Variants in CCDC141 observed in about 807,000 individuals in gnomAD.
CCDC141 encodes the protein coiled-coil domain-containing protein 141.
A neutral mutation model predicts 181.0 loss-of-function variants in CCDC141; 168 were observed. That is an observed-to-expected ratio of 0.93 (90% CI 0.82 to 1.05). The LOEUF (loss-of-function observed/expected upper bound fraction) is 1.05. Ranked by LOEUF, CCDC141 falls within the 50% of genes least tolerant of loss-of-function variation. CCDC141 has a pLI of 0.00. For missense variants in CCDC141, 1,902 were observed against 1,788.5 expected, an observed-to-expected ratio of 1.06 and a Z score of -1.14; for synonymous variants, 666 against 642.3, an observed-to-expected ratio of 1.04 and a Z score of -0.56.
At chr2:178,877,886 G>T in intron 12 of CCDC141, 78 bp downstream of exon 12, 1 of 1,379,124 alleles carries the variant, frequency 7.3e-7, no homozygotes, top group Non-Finnish European at 1.0e-6. Flanking sequence ...TTAATAGACA[G>T]CTGAACCTTT....
At chr2:179,040,662 G>A (rs1358190952) in intron 2 of CCDC141, among the ~76,000 whole-genome samples, 1 of 152,160 alleles carries the variant, frequency 6.6e-6, no homozygotes, top group Non-Finnish European at 1.5e-5. Context: ...GAGTTAGTTT[G>A]CTAAGGACAA....
chr2:179,026,692 C>A (rs1042125012), intron 2 of CCDC141, among the ~76,000 whole-genome samples: 1 of 152,202 alleles, frequency 6.6e-6, no homozygotes, highest in Non-Finnish European at 1.5e-5. Flanking sequence ...ACAGCTTGCA[C>A]TGCGCACCTG....
intron 2 of CCDC141, among the ~76,000 whole-genome samples, chr2:179,036,060 A>G (rs1271360159): frequency 1.3e-5 from 2 of 152,346 alleles, no homozygotes; most frequent in African/African-American, 2.4e-5. Context: ...GTGTTCCAGC[A>G]ACAAAGGAGT....
chr2:179,015,264 C>CATATATATATCAT (rs57926916), intron 2 of CCDC141, among the ~76,000 whole-genome samples: 1 of 130,056 alleles, frequency 7.7e-6, no homozygotes, highest in Non-Finnish European at 1.6e-5. Context: ...TCATATATAT[C>CATATATATATCAT]ATATATATCT....
At chr2:179,010,256 G>A (rs1029945141) in intron 2 of CCDC141, among the ~76,000 whole-genome samples, 2 of 152,132 alleles carry the variant, frequency 1.3e-5, no homozygotes, top group African/African-American at 2.4e-5. Context: ...AACTTCCCCA[G>A]CCTTGCTAGA....
chr2:178,979,204 A>G (rs993110739), intron 2 of CCDC141, among the ~76,000 whole-genome samples: 2 of 152,206 alleles, frequency 1.3e-5, no homozygotes, highest in Non-Finnish European at 2.9e-5. Context: ...TACTGTTTGA[A>G]CAAAATATGA....
At chr2:179,037,465 G>A (rs2043176132) in intron 2 of CCDC141, among the ~76,000 whole-genome samples, 1 of 152,138 alleles carries the variant, frequency 6.6e-6, no homozygotes, top group South Asian at 2.1e-4. Flanking sequence ...CAACACACAT[G>A]CTATGAAATT....
chr2:178,968,263 C>T (rs150517934), intron 4 of CCDC141, among the ~76,000 whole-genome samples: 1 of 152,226 alleles, frequency 6.6e-6, no homozygotes, highest in South Asian at 2.1e-4. Flanking sequence ...GAACTCTCCA[C>T]CTCAATTCAA....
intron 23 of CCDC141, chr2:178,836,637 C>T (rs1488518142): frequency 1.2e-5 from 4 of 329,666 alleles, no homozygotes; most frequent in African/African-American, 2.1e-5. Context: ...AGAAAACAAG[C>T]ACAACCAACC....
At chr2:179,047,513 AC>A in intron 1 of CCDC141, 107 bp from the exon 2 acceptor site, 3 of 990,430 alleles carry the variant, frequency 3.0e-6, no homozygotes, top group African/African-American at 3.4e-5. Flanking sequence ...TACTGTAAAC[AC>A]TTTTTTCTAT....
chr2:178,821,062 CTT>C, the CCDC141 span, among the ~76,000 whole-genome samples: 1 of 151,912 alleles, frequency 6.6e-6, no homozygotes, highest in East Asian at 2.0e-4. Flanking sequence ...TCTATGCTGA[CTT>C]TCTTTTTTCT....
At chr2:178,936,942 T>C (rs1022565890) in intron 6 of CCDC141, among the ~76,000 whole-genome samples, 1 of 152,206 alleles carries the variant, frequency 6.6e-6, no homozygotes, top group Non-Finnish European at 1.5e-5. Context: ...TGTACATTGA[T>C]TTTGTATCCT....
chr2:179,012,212 T>C (rs2042288554), intron 2 of CCDC141, among the ~76,000 whole-genome samples: 1 of 152,036 alleles, frequency 6.6e-6, no homozygotes, highest in African/African-American at 2.4e-5. Flanking sequence ...GTAAATAAAA[T>C]TGATCGACCT....
chr2:178,888,450 G>A (rs988575391), intron 9 of CCDC141, 77 bp downstream of exon 9: 24 of 1,363,310 alleles, frequency 1.8e-5, no homozygotes, highest in African/African-American at 1.6e-4. Flanking sequence ...CTGTCCTCCC[G>A]CCATGCCCAC....
chr2:178,955,966 G>A lies in CCDC141; in HGVS notation c.780+5264C>T, dbSNP rs530175469. On this transcript the variant is annotated intron_variant, in intron 5 of 23. Transcript: ENST00000443758. ...CTGAGCATGACATTGCGGGGGCAAG[G>A]AGTGGATCAGTATGTAATATGTTGG... Among the ~76,000 whole-genome samples the A allele has an allele frequency of 2.6e-4, 40 of 152,340 alleles. 1 individual carries two copies. The South Asian group carries it at 8.3e-3, about 32-fold the overall frequency.
At chr2:178,968,744 G>C (rs1024798051) in intron 4 of CCDC141, among the ~76,000 whole-genome samples, 1 of 152,080 alleles carries the variant, frequency 6.6e-6, no homozygotes, top group African/African-American at 2.4e-5. Flanking sequence ...GATCAGAGCA[G>C]AACTGAAGGA....
chr2:178,928,004 T>G (rs1441695626), intron 6 of CCDC141, among the ~76,000 whole-genome samples: 1 of 152,128 alleles, frequency 6.6e-6, no homozygotes, highest in Admixed American at 6.5e-5. Flanking sequence ...AGCAGGGAAT[T>G]AACAGATGAT....
chr2:179,015,089 T>TATAATATATATATATA (rs2042405415), intron 2 of CCDC141, among the ~76,000 whole-genome samples: 1 of 47,124 alleles, frequency 2.1e-5, no homozygotes, highest in African/African-American at 6.4e-5. Context: ...TATATATATA[T>TATAATATATATATATA]ATATATATAT....
chr2:178,997,640 C>T (rs1235244138), intron 2 of CCDC141, among the ~76,000 whole-genome samples: 1 of 152,156 alleles, frequency 6.6e-6, no homozygotes, highest in Admixed American at 6.5e-5. Context: ...GATTGTCCCA[C>T]CAAATAGCAT....
Sources: allele counts gnomAD v4.1 joint callset (sites outside exome capture counted in the v4.1 genomes callset), GRCh38; gene constraint gnomAD v4.1.1; transcripts MANE v1.5; gene names NCBI Gene and HGNC (gene_info 2026-07-23, HGNC 2026-07-21).